The following MORC2 variants were observed in gnomAD, a reference collection of about 807,000 sequenced individuals.
MORC2 encodes the protein MORC family CW-type zinc finger 2.
MORC2 carries 30 observed loss-of-function variants against 136.0 expected under a neutral mutation model. The observed-to-expected ratio is 0.22, with a 90% CI of 0.17 to 0.30. MORC2 has a LOEUF of 0.30. MORC2 is among the 10% of genes least tolerant of loss of function. MORC2 has a pLI of 1.00. For synonymous variants in MORC2, 439 were observed against 487.0 expected, an observed-to-expected ratio of 0.90 and a Z score of 1.30; for missense variants, 922 against 1,333.1, an observed-to-expected ratio of 0.69 and a Z score of 4.80.
chr22:30,939,419 A>G (rs541789125), intron 12 of MORC2, among the ~76,000 whole-genome samples: 130 of 152,302 alleles, frequency 8.5e-4, no homozygotes, highest in African/African-American at 3.0e-3. Context: ...TTGGTGCTCG[A>G]GCCGAGGTTG....
intron 1 of MORC2, chr22:30,967,088 G>C (rs2041139350): frequency 1.0e-6 from 1 of 984,328 alleles, no homozygotes; most frequent in Non-Finnish European, 1.2e-6. Flanking sequence ...AGTAACAGGT[G>C]AATGTATTAA....
In MORC2 at chr22:30,926,680, A is replaced by C. The variant is rs1183088604; in HGVS notation, c.*123T>G. ...GAATCAGGGTATCTTTTCCTCCAAA[A>C]ACACAAATGTCCCGTGTAAGTCAAA... On this transcript the variant is annotated 3_prime_UTR_variant, in exon 26 of 26. Coordinates refer to ENST00000397641, the MANE Select transcript of MORC2 (RefSeq NM_001303256.3). 2 of 559,422 alleles carry C rather than the reference A, an allele frequency of 3.6e-6. No homozygotes were observed. Among genetic ancestry groups the C allele is most frequent in the Admixed American group, 7.1e-5 (2 of 28,260 alleles). The allele number at this position is 559,422 out of a possible 1,614,324, so 34.7% of individuals were successfully genotyped here. A position where few individuals can be genotyped will look rare whatever the true frequency, so the allele number is the denominator to read the frequency against.
intron 6 of MORC2, among the ~76,000 whole-genome samples, chr22:30,942,865 C>A (rs571109066): frequency 6.6e-6 from 1 of 152,108 alleles, no homozygotes; most frequent in South Asian, 2.1e-4. Context: ...ATTAGCCGGG[C>A]GTGGCAGCGT....
chr22:30,940,570 TAGAA>T (rs2040728266), intron 10 of MORC2, among the ~76,000 whole-genome samples, 184 bp downstream of exon 10: 1 of 152,106 alleles, frequency 6.6e-6, no homozygotes, highest in Non-Finnish European at 1.5e-5. Flanking sequence ...AAGTGGAGTG[TAGAA>T]AGAAGAAATG....
Position 30,968,075 on chromosome 22 carries a change from GTTTTT to G in MORC2, c.-191_-187del. 1.9e-6 allele frequency: 1 copy of G among 532,192 alleles called. No individual in the cohort carries two copies. Among genetic ancestry groups the G allele is most frequent in the South Asian group, 2.5e-5 (1 of 40,324 alleles). 33.0% of individuals were successfully genotyped at this position (532,192 alleles called of 1,614,324 possible). On this transcript the variant is annotated 5_prime_UTR_variant, in exon 1 of 26. Coordinates refer to ENST00000397641, the MANE Select transcript of MORC2 (RefSeq NM_001303256.3). Reference sequence around the variant, plus strand: ...GTTTAAAACTACAATTTCTTCAAGTGTTTTTTTTTAATCTTCTCAATGATTTATGA... The same window carrying G: ...GTTTAAAACTACAATTTCTTCAAGTGTTTTAATCTTCTCAATGATTTATGA...
At position 30,938,051 on chromosome 22, in the gene MORC2, T is replaced by C; in HGVS notation, c.1214+14A>G. ...CTATCCTGGGCTAGACAGCTCTCTG[T>C]GGGTAGTACTCACATGCCCCCTTCC... On this transcript the variant is annotated intron_variant, in intron 13 of 25. Coordinates refer to ENST00000397641, the MANE Select transcript of MORC2 (RefSeq NM_001303256.3). The C allele has an allele frequency of 6.2e-7, 1 of 1,614,086 alleles. No individual in the cohort carries two copies. The highest frequency in any genetic ancestry group is 8.5e-7 in the Non-Finnish European group (1 of 1,179,984).
chr22:30,947,041 C>G (rs1014888314), intron 5 of MORC2, among the ~76,000 whole-genome samples: 1 of 152,172 alleles, frequency 6.6e-6, no homozygotes, highest in Non-Finnish European at 1.5e-5. Context: ...AGTATGAACC[C>G]AAGGCGCAGT....
chr22:30,940,941 C>G (rs2040734433), intron 9 of MORC2, 104 bp from the exon 10 acceptor site: 7 of 938,066 alleles, frequency 7.5e-6, no homozygotes, highest in Non-Finnish European at 1.2e-5. Flanking sequence ...CCAAGCTGTG[C>G]TGTCCTGGCC....
intron 1 of MORC2, chr22:30,963,366 G>A (rs553792967): frequency 1.8e-4 from 170 of 959,288 alleles, no homozygotes; most frequent in African/African-American, 6.8e-4. Flanking sequence ...TTGAAAATTC[G>A]TTCACTTTCA....
intron 3 of MORC2, among the ~76,000 whole-genome samples, chr22:30,955,081 C>G (rs2040947208): frequency 6.6e-6 from 1 of 151,454 alleles, no homozygotes; most frequent in Non-Finnish European, 1.5e-5. Flanking sequence ...GCTTCAGCCT[C>G]CCGAGTAGCT....
chr22:30,937,044 A>T lies in MORC2; in HGVS notation c.1499-7T>A. Reference sequence around the variant, plus strand: ...CTCCATTTCAGACACAAATCTGCAGAGAGCAAAAAAACCCCACATATCAGC... The same window carrying T: ...CTCCATTTCAGACACAAATCTGCAGTGAGCAAAAAAACCCCACATATCAGC... On this transcript the variant is annotated splice_polypyrimidine_tract_variant and splice_region_variant and intron_variant, in intron 15 of 25. Coordinates refer to ENST00000397641, the MANE Select transcript of MORC2 (RefSeq NM_001303256.3). This position sits in a 1 kb window ranked among gnomAD's most constrained non-coding sequence, Gnocchi z 4.7. 6.2e-7 allele frequency: 1 copy of T among 1,606,874 alleles called. No individual in the cohort carries two copies. The highest frequency in any genetic ancestry group is 8.5e-7 in the Non-Finnish European group (1 of 1,173,520).
At chr22:30,956,666 C>G in intron 3 of MORC2, 97 bp downstream of exon 3, 1 of 1,005,912 alleles carries the variant, frequency 9.9e-7, no homozygotes, top group South Asian at 1.6e-5. Context: ...TCTTCCCAGG[C>G]TCCCGAATCC....
At chr22:30,962,729 A>C (rs370899181) in intron 1 of MORC2, among the ~76,000 whole-genome samples, 1 of 152,332 alleles carries the variant, frequency 6.6e-6, no homozygotes, top group African/African-American at 2.4e-5. Context: ...TGATGGCAGT[A>C]CATATCATAA....
At chr22:30,956,997 A>C (rs962525357) in intron 2 of MORC2, among the ~76,000 whole-genome samples, 200 bp from the exon 3 acceptor site, 1 of 152,196 alleles carries the variant, frequency 6.6e-6, no homozygotes, top group African/African-American at 2.4e-5. Flanking sequence ...ACATTTCTGA[A>C]GCCCCAAATT....
At position 30,935,034 on chromosome 22, in the gene MORC2, A is replaced by G. The variant is rs754318159; in HGVS notation, c.1940T>C (p.Ile647Thr). ...PASQPRKAPV[I>T]SSTPKLPALA... ...AGCAGGGAGCTTTGGGGTACTGCTGATGACAGGAGCCTTTCGGGGCTGGCT... is the reference window on the plus strand; with the variant it reads ...AGCAGGGAGCTTTGGGGTACTGCTGGTGACAGGAGCCTTTCGGGGCTGGCT... Residue 647 changes from isoleucine to threonine, a missense_variant, in exon 19 of 26, where the codon ATC becomes ACC. Physicochemically the swap from Ile to Thr is moderately conservative, Grantham distance 89. Transcript: ENST00000397641. The G allele has an allele frequency of 1.2e-5, 19 of 1,613,932 alleles. No homozygotes were observed. Among genetic ancestry groups the G allele is most frequent in the Non-Finnish European group, 1.4e-5 (16 of 1,180,022 alleles).
rs1472725152 is a variant in MORC2, at chr22:30,925,671, T to C, written c.*1132A>G. ...GCCCCAAATACGAGTGGGAAGAGAG[T>C]TGGGAAAAACTGAACCAGACTCTTC... On this transcript the variant is annotated 3_prime_UTR_variant, in exon 26 of 26. Transcript: ENST00000397641. The C allele has an allele frequency of 1.3e-5, 2 of 153,282 alleles. No individual in the cohort carries two copies. Among genetic ancestry groups the C allele is most frequent in the Non-Finnish European group, 2.9e-5 (2 of 67,962 alleles). The allele number at this position is 153,282 out of a possible 1,614,324, so 9.5% of individuals were successfully genotyped here. A position where few individuals can be genotyped will look rare whatever the true frequency, so the allele number is the denominator to read the frequency against.
At chr22:30,943,552 C>A (rs1053081732) in intron 6 of MORC2, among the ~76,000 whole-genome samples, 3 of 152,346 alleles carry the variant, frequency 2.0e-5, no homozygotes, top group African/African-American at 7.2e-5. Context: ...GCTCCTCCCT[C>A]GGTGGTTATG....
At position 30,949,989 on chromosome 22, in the gene MORC2, C is replaced by T. The variant is rs543309287; in HGVS notation, c.227-147G>A. 8.8e-4 allele frequency: 609 copies of T among 689,344 alleles called. 1 individual carries two copies. The highest frequency in any genetic ancestry group is 1.4e-3 in the Non-Finnish European group (554 of 404,590). The allele number at this position is 689,344 out of a possible 1,614,324, so 42.7% of individuals were successfully genotyped here. A position where few individuals can be genotyped will look rare whatever the true frequency, so the allele number is the denominator to read the frequency against. ...CAAGGAAATTCACCACCATGAAGCA[C>T]ATGGAGGCACAGCTTTGCCTGGCCT... On this transcript the variant is annotated intron_variant, in intron 4 of 25. Transcript: ENST00000397641.
chr22:30,955,279 C>A (rs2040950283), intron 3 of MORC2, among the ~76,000 whole-genome samples: 1 of 152,046 alleles, frequency 6.6e-6, no homozygotes, highest in Admixed American at 6.5e-5. Context: ...ATTTAGTAAT[C>A]ATCTTCTAAC....
Sources: allele counts gnomAD v4.1 joint callset (sites outside exome capture counted in the v4.1 genomes callset), GRCh38; gene constraint gnomAD v4.1.1; non-coding constraint Gnocchi (gnomAD v3.1); transcripts MANE v1.5; gene names NCBI Gene and HGNC (gene_info 2026-07-23, HGNC 2026-07-21).